Variants in VDAC1 observed in about 807,000 individuals in gnomAD.
The protein encoded by VDAC1 is non-selective voltage-gated ion channel VDAC1.
A neutral mutation model predicts 34.7 loss-of-function variants in VDAC1; 10 were observed. The observed-to-expected ratio is 0.29, with a 90% confidence interval of 0.18 to 0.49. The LOEUF (loss-of-function observed/expected upper bound fraction) is 0.49, where lower values mean the gene tolerates loss of function less well. VDAC1 is among the 20% of genes least tolerant of loss of function. The pLI, the probability that VDAC1 is intolerant of heterozygous loss-of-function variation, is 0.99. For synonymous variants in VDAC1, 130 were observed against 136.0 expected (o/e 0.96, Z 0.30); for missense variants, 230 against 347.9 (o/e 0.66, Z 2.69).
chr5:133,997,226 C>T (rs115484655), intron 1 of VDAC1, among the ~76,000 whole-genome samples: 289 of 152,282 alleles, frequency 1.9e-3, no homozygotes, highest in African/African-American at 6.6e-3. Context: ...GGCAATTCCA[C>T]TTCTAGGAAC....
At chr5:134,045,165 C>T in the VDAC1 span, among the ~76,000 whole-genome samples, 2 of 152,170 alleles carry the variant, frequency 1.3e-5, no homozygotes, top group Non-Finnish European at 1.5e-5. Context: ...ACTAGATTCC[C>T]AAAGAAAGTC....
the VDAC1 span, among the ~76,000 whole-genome samples, chr5:134,088,733 C>T: frequency 6.6e-6 from 1 of 152,300 alleles, no homozygotes; most frequent in South Asian, 2.1e-4. Context: ...CTGGAAATGT[C>T]CCACCTACAT....
intron 5 of VDAC1, among the ~76,000 whole-genome samples, chr5:133,982,347 A>C (rs1374880805): frequency 2.6e-5 from 4 of 151,890 alleles, no homozygotes; most frequent in Non-Finnish European, 5.9e-5. Context: ...CACCGTCTCT[A>C]CTAAAAACAC....
At chr5:133,976,515 A>T in intron 6 of VDAC1, 1 of 155,130 alleles carries the variant, frequency 6.4e-6, no homozygotes, top group East Asian at 1.9e-4. Context: ...AAACAAAAAA[A>T]GAAAAAGCCA....
the VDAC1 span, among the ~76,000 whole-genome samples, chr5:134,079,521 C>T: frequency 6.6e-6 from 1 of 152,192 alleles, no homozygotes; most frequent in Non-Finnish European, 1.5e-5. Context: ...TGGGAGGTGC[C>T]TTCAGGGTGT....
At chr5:134,056,749 G>A in the VDAC1 span, among the ~76,000 whole-genome samples, 734 of 152,248 alleles carry the variant, frequency 4.8e-3, 5 homozygotes, top group African/African-American at 0.015. Context: ...GCAATGGCAC[G>A]ATCTTGGCTC....
chr5:134,012,268 G>A, the VDAC1 span, among the ~76,000 whole-genome samples: 2 of 152,182 alleles, frequency 1.3e-5, no homozygotes, highest in Non-Finnish European at 2.9e-5. Context: ...TCAGACTCCT[G>A]ACCTCTAGAA....
At chr5:134,014,159 C>G in the VDAC1 span, among the ~76,000 whole-genome samples, 3 of 149,646 alleles carry the variant, frequency 2.0e-5, no homozygotes, top group African/African-American at 4.9e-5. Flanking sequence ...TGTGGTGGCA[C>G]GCGCTTGTAA....
chr5:134,105,569 C>T, the VDAC1 span, among the ~76,000 whole-genome samples: 3 of 152,250 alleles, frequency 2.0e-5, no homozygotes, highest in African/African-American at 7.2e-5. Flanking sequence ...TACTGGATAT[C>T]TGCTCTCTGC....
chr5:134,087,425 C>T, the VDAC1 span, among the ~76,000 whole-genome samples: 2,316 of 152,256 alleles, frequency 0.015, 28 homozygotes, highest in Middle Eastern at 0.041. Flanking sequence ...GCCCACAGCC[C>T]AACCCCCTCC....
the VDAC1 span, among the ~76,000 whole-genome samples, chr5:134,028,475 C>T: frequency 6.6e-6 from 1 of 152,152 alleles, no homozygotes; most frequent in African/African-American, 2.4e-5. Context: ...TTCCATGTTG[C>T]TATGTAGGCT....
chr5:134,097,759 C>T, the VDAC1 span, among the ~76,000 whole-genome samples: 1 of 152,188 alleles, frequency 6.6e-6, no homozygotes, highest in Non-Finnish European at 1.5e-5. Flanking sequence ...TAGAAGGAGC[C>T]AGACGTCTAA....
rs1752342212 is a variant in VDAC1 at position 133,972,642 on chromosome 5, T to G, written c.*129A>C. The G allele has an allele frequency of 1.3e-6, 1 of 787,380 alleles. No homozygotes were observed. Among genetic ancestry groups the G allele is most frequent in the Non-Finnish European group, 2.0e-6 (1 of 496,960 alleles). The allele number at this position is 787,380 out of a possible 1,614,324, so 48.8% of individuals were successfully genotyped here. ...GGTAACATCTTAAAGCTGAATCAACTTTAACCTGGAGGGCTAACATATTTA... is the reference window on the plus strand; with the variant it reads ...GGTAACATCTTAAAGCTGAATCAACGTTAACCTGGAGGGCTAACATATTTA... On this transcript the variant is annotated 3_prime_UTR_variant, in exon 9 of 9. Coordinates refer to ENST00000265333, the MANE Select transcript of VDAC1 (RefSeq NM_003374.3).
intron 5 of VDAC1, among the ~76,000 whole-genome samples, chr5:133,981,504 T>G (rs1752697301): frequency 6.6e-6 from 1 of 152,138 alleles, no homozygotes; most frequent in Non-Finnish European, 1.5e-5. Flanking sequence ...GAGACCCCAA[T>G]GAGTACATAT....
At chr5:134,068,579 A>G in the VDAC1 span, among the ~76,000 whole-genome samples, 1 of 152,112 alleles carries the variant, frequency 6.6e-6, no homozygotes, top group Non-Finnish European at 1.5e-5. Context: ...ATTTCTTTGT[A>G]GGTAATTTTT....
At chr5:134,077,276 CAAA>C in the VDAC1 span, among the ~76,000 whole-genome samples, 1,243 of 101,120 alleles carry the variant, frequency 0.012, 12 homozygotes, top group African/African-American at 0.037. Context: ...GACTCCATCT[CAAA>C]AAAAAAAAAA....
chr5:134,070,474 A>G, the VDAC1 span, among the ~76,000 whole-genome samples: 3 of 141,276 alleles, frequency 2.1e-5, no homozygotes, highest in African/African-American at 9.7e-5. Context: ...AACAACATTT[A>G]TTTTTAAATA....
At chr5:134,069,694 C>T in the VDAC1 span, among the ~76,000 whole-genome samples, 1 of 152,150 alleles carries the variant, frequency 6.6e-6, no homozygotes, top group Non-Finnish European at 1.5e-5. Context: ...TGGGTTAGGG[C>T]TGGTTTGCAT....
the VDAC1 span, among the ~76,000 whole-genome samples, chr5:134,063,167 T>C: frequency 5.3e-5 from 8 of 152,210 alleles, no homozygotes; most frequent in Non-Finnish European, 1.0e-4. Context: ...TATGAATATA[T>C]AACCATGGTA....
Sources: gnomAD v4.1 joint callset for allele counts (sites outside exome capture counted in the v4.1 genomes callset) on GRCh38, gnomAD v4.1.1 for gene constraint, MANE v1.5 for transcripts, NCBI Gene and HGNC (gene_info 2026-07-23, HGNC 2026-07-21) for gene names.